Variants in TCAIM observed in about 807,000 individuals in gnomAD.
TCAIM encodes the protein T cell activation inhibitor, mitochondrial.
TCAIM carries 36 observed loss-of-function variants against 58.6 expected under a neutral mutation model. The ratio of observed to expected loss-of-function variants is 0.61; its 90% CI spans 0.47 to 0.81. The LOEUF is 0.81. Among genes scored for constraint, TCAIM ranks in the 30% least tolerant of loss-of-function variants. The probability of loss-of-function intolerance (pLI) is 0.00; values close to 1 mark genes in which losing one functional copy is unlikely to be tolerated. For missense variants in TCAIM, 466 were observed against 579.6 expected (o/e 0.80, Z 2.01); for synonymous variants, 172 against 193.6 (o/e 0.89, Z 0.93).
At chr3:44,375,086 A>G (rs1407461475) in intron 5 of TCAIM, among the ~76,000 whole-genome samples, 1 of 152,060 alleles carries the variant, frequency 6.6e-6, no homozygotes, top group Non-Finnish European at 1.5e-5. Context: ...TATACCTTTT[A>G]ATGTTCTTTT....
At chr3:44,345,913 G>T (rs1341690676) in intron 1 of TCAIM, among the ~76,000 whole-genome samples, 1 of 152,152 alleles carries the variant, frequency 6.6e-6, no homozygotes, top group Non-Finnish European at 1.5e-5. Context: ...ATGAGTAGTT[G>T]AGAATGGTGA....
intron 3 of TCAIM, chr3:44,358,295 TC>T (rs1701237683): frequency 1.0e-6 from 1 of 955,534 alleles, no homozygotes; most frequent in Admixed American, 1.9e-5. Context: ...CCCTACAACA[TC>T]AGTTAATGTG....
Position 44,366,623 on chromosome 3 carries a change from G to A in TCAIM, c.320-833G>A, listed in dbSNP as rs1701381648. 5.4e-5 allele frequency among the ~76,000 whole-genome samples: 5 copies of A among 93,234 alleles called. No homozygotes were observed. In the South Asian group the frequency reaches 3.5e-3, roughly 66 times the overall value. 61.2% of individuals were successfully genotyped at this position (93,234 alleles called of 152,430 possible). A position where few individuals can be genotyped will look rare whatever the true frequency, so the allele number is the denominator to read the frequency against. On this transcript the variant is annotated intron_variant, in intron 4 of 10. Transcript: ENST00000342649. Reference sequence around the variant, plus strand: ...CTACAGGCGCCCGCCACCACGCCCGGCTAATTTTTTTTTTTTGTATTTTTA... The same window carrying A: ...CTACAGGCGCCCGCCACCACGCCCGACTAATTTTTTTTTTTTGTATTTTTA...
At chr3:44,370,868 A>T (rs1575256016) in intron 5 of TCAIM, among the ~76,000 whole-genome samples, 1 of 148,362 alleles carries the variant, frequency 6.7e-6, no homozygotes. Context: ...CAGCCTTTGG[A>T]GTAGCTGGGA....
At chr3:44,392,403 G>T (rs1701852532) in intron 5 of TCAIM, among the ~76,000 whole-genome samples, 1 of 152,088 alleles carries the variant, frequency 6.6e-6, no homozygotes, top group Non-Finnish European at 1.5e-5. Flanking sequence ...ATAGGGGTTT[G>T]TTGTACAGTT....
intron 5 of TCAIM, among the ~76,000 whole-genome samples, chr3:44,391,727 AC>A: frequency 6.6e-6 from 1 of 152,278 alleles, no homozygotes; most frequent in African/African-American, 2.4e-5. Flanking sequence ...GTAAGGTCTG[AC>A]CAGTCGGAGG....
chr3:44,366,199 A>T (rs1054385699), intron 4 of TCAIM, among the ~76,000 whole-genome samples: 1 of 149,490 alleles, frequency 6.7e-6, no homozygotes, highest in African/African-American at 2.5e-5. Flanking sequence ...CCCAGAAAAG[A>T]AAAAAAGCAA....
At chr3:44,368,376 T>C (rs1701413850) in intron 5 of TCAIM, among the ~76,000 whole-genome samples, 1 of 152,214 alleles carries the variant, frequency 6.6e-6, no homozygotes, top group South Asian at 2.1e-4. Flanking sequence ...GATTCTCTCA[T>C]TATGGCATAG....
chr3:44,365,732 C>T (rs1281765337), intron 4 of TCAIM, among the ~76,000 whole-genome samples: 1 of 152,228 alleles, frequency 6.6e-6, no homozygotes, highest in African/African-American at 2.4e-5. Flanking sequence ...TCTGCATCAT[C>T]TAATATGGTG....
At chr3:44,389,244 C>G (rs949100377) in intron 5 of TCAIM, among the ~76,000 whole-genome samples, 21 of 152,142 alleles carry the variant, frequency 1.4e-4, no homozygotes, top group African/African-American at 5.1e-4. Context: ...GAGCCGAGAT[C>G]GTGCCACTGC....
chr3:44,349,108 A>T (rs1701032725), intron 1 of TCAIM, among the ~76,000 whole-genome samples: 5 of 152,090 alleles, frequency 3.3e-5, no homozygotes, highest in African/African-American at 1.2e-4. Flanking sequence ...GAGAGGTCAG[A>T]TGGGTCCACA....
At chr3:44,351,475 ATTTATTTTAT>A (rs890701613) in intron 1 of TCAIM, among the ~76,000 whole-genome samples, 20 of 151,730 alleles carry the variant, frequency 1.3e-4, no homozygotes, top group East Asian at 7.7e-4. Context: ...ACCTTTTTAA[ATTTATTTTAT>A]TTTATTTTAT....
chr3:44,356,996 G>C (rs1046123149), intron 2 of TCAIM, among the ~76,000 whole-genome samples: 2 of 151,564 alleles, frequency 1.3e-5, no homozygotes, highest in African/African-American at 2.4e-5. Context: ...AAAAGAATGA[G>C]AATATCAAGT....
chr3:44,380,014 C>A (rs776977852), intron 5 of TCAIM, among the ~76,000 whole-genome samples: 1 of 151,858 alleles, frequency 6.6e-6, no homozygotes, highest in Non-Finnish European at 1.5e-5. Context: ...CTTTGTTAAC[C>A]TGCACATGAG....
At chr3:44,372,173 A>G (rs577512618) in intron 5 of TCAIM, among the ~76,000 whole-genome samples, 2 of 152,328 alleles carry the variant, frequency 1.3e-5, no homozygotes, top group South Asian at 4.1e-4. Context: ...CTGAGTATGC[A>G]CAGATTTTGG....
chr3:44,344,771 G>A (rs1037758267), intron 1 of TCAIM, among the ~76,000 whole-genome samples: 3 of 152,192 alleles, frequency 2.0e-5, no homozygotes, highest in South Asian at 2.1e-4. Context: ...GAGGGAGTTA[G>A]GGGTGGGGTA....
intron 1 of TCAIM, among the ~76,000 whole-genome samples, chr3:44,343,194 G>A (rs1700890954): frequency 6.6e-6 from 1 of 151,838 alleles, no homozygotes; most frequent in African/African-American, 2.4e-5. Flanking sequence ...AACCATCTAT[G>A]TTATTTAAGA....
chr3:44,377,551 C>T (rs538153416), intron 5 of TCAIM, among the ~76,000 whole-genome samples: 1 of 152,294 alleles, frequency 6.6e-6, no homozygotes, highest in South Asian at 2.1e-4. Context: ...AGACACTGTA[C>T]CTAACAACAA....
intron 5 of TCAIM, among the ~76,000 whole-genome samples, chr3:44,373,062 G>A (rs778493113): frequency 6.6e-6 from 1 of 152,050 alleles, no homozygotes; most frequent in Non-Finnish European, 1.5e-5. Context: ...GGGTAAAATT[G>A]TGTCCTAGCA....
Sources: gnomAD v4.1 joint callset for allele counts (sites outside exome capture counted in the v4.1 genomes callset) on GRCh38, gnomAD v4.1.1 for gene constraint, MANE v1.5 for transcripts, NCBI Gene and HGNC (gene_info 2026-07-23, HGNC 2026-07-21) for gene names.